The following ATXN1 variants were observed in gnomAD, a reference collection of about 807,000 sequenced individuals.
The protein encoded by ATXN1 is ataxin 1.
A neutral mutation model predicts 56.4 loss-of-function variants in ATXN1; 8 were observed. The ratio of observed to expected loss-of-function variants is 0.14; its 90% CI spans 0.08 to 0.26. The LOEUF is 0.26. ATXN1 is among the 10% of genes least tolerant of loss of function. The probability of loss-of-function intolerance (pLI) is 1.00; values close to 1 mark genes in which losing one functional copy is unlikely to be tolerated. For synonymous variants in ATXN1, 514 were observed against 494.6 expected, an observed-to-expected ratio of 1.04 and a Z score of -0.52; for missense variants, 987 against 1,106.5, an observed-to-expected ratio of 0.89 and a Z score of 1.53.
intron 3 of ATXN1, among the ~76,000 whole-genome samples, chr6:16,610,761 T>A (rs914720586): frequency 6.6e-6 from 1 of 151,742 alleles, no homozygotes; most frequent in African/African-American, 2.4e-5. Context: ...CAGGGGCTCA[T>A]CCCTGTAATC....
rs1043463949 is a variant in ATXN1 at position 16,703,031 on chromosome 6, C to T, written c.-614-45130G>A. On this transcript the variant is annotated intron_variant, in intron 2 of 7. Coordinates refer to ENST00000436367, the MANE Select transcript of ATXN1 (RefSeq NM_001128164.2). The stretch of plus-strand genomic sequence containing the variant: ...ATGCTGCTATAAAGACACATGCACA[C>T]GTATGTTTATTGCGGCACTATTCAC... Among the ~76,000 whole-genome samples the T allele has an allele frequency of 5.3e-5, 8 of 152,118 alleles. No individual in the cohort carries two copies. The South Asian group carries it at 6.2e-4, about 12-fold the overall frequency.
intron 3 of ATXN1, among the ~76,000 whole-genome samples, chr6:16,608,781 CTG>C (rs1763055208): frequency 6.6e-6 from 1 of 152,194 alleles, no homozygotes; most frequent in African/African-American, 2.4e-5. Context: ...TATACAAAAG[CTG>C]TGTGTCTGAC....
intron 3 of ATXN1, among the ~76,000 whole-genome samples, chr6:16,606,371 C>G (rs1763004895): frequency 6.6e-6 from 1 of 152,052 alleles, no homozygotes; most frequent in Non-Finnish European, 1.5e-5. Flanking sequence ...AAGACCAGGT[C>G]TAAGTTATTT....
intron 6 of ATXN1, among the ~76,000 whole-genome samples, chr6:16,454,216 G>A (rs1473083621): frequency 1.3e-5 from 2 of 150,788 alleles, no homozygotes; most frequent in East Asian, 4.0e-4. Context: ...ACTGATTTAG[G>A]TACAGGGATA....
At chr6:16,648,239 G>A (rs1763835577) in intron 3 of ATXN1, among the ~76,000 whole-genome samples, 1 of 152,058 alleles carries the variant, frequency 6.6e-6, no homozygotes, top group Admixed American at 6.6e-5. Context: ...GCCAACACTA[G>A]GCAACCTTGG....
chr6:16,467,760 G>A lies in ATXN1; in HGVS notation c.-161+18212C>T, dbSNP rs1760136159. Among the ~76,000 whole-genome samples, 7 of 152,268 alleles carry A rather than the reference G, an allele frequency of 4.6e-5. 1 individual carries two copies. In the South Asian group the frequency reaches 1.5e-3, roughly 32 times the overall value. ...TCCTATTGCATTAATGTAGGAGTAT[G>A]AAAAAGTCAGAAAGGAAAACTTAAA... On this transcript the variant is annotated intron_variant, in intron 6 of 7. Transcript: ENST00000436367.
At chr6:16,472,832 G>C (rs969716803) in intron 6 of ATXN1, among the ~76,000 whole-genome samples, 1 of 152,152 alleles carries the variant, frequency 6.6e-6, no homozygotes, top group African/African-American at 2.4e-5. Flanking sequence ...ACCCCTAAAG[G>C]TGCCAGAGCA....
At chr6:16,322,476 A>G (rs1167251437) in intron 7 of ATXN1, among the ~76,000 whole-genome samples, 2 of 152,130 alleles carry the variant, frequency 1.3e-5, no homozygotes, top group African/African-American at 4.8e-5. Context: ...TAGAGTCACA[A>G]TGCCATCTGT....
chr6:16,336,519 C>T (rs1371079157), intron 6 of ATXN1, among the ~76,000 whole-genome samples: 1 of 152,158 alleles, frequency 6.6e-6, no homozygotes, highest in Non-Finnish European at 1.5e-5. Flanking sequence ...AAGTTCAAGA[C>T]CACCCACCCA....
intron 6 of ATXN1, among the ~76,000 whole-genome samples, chr6:16,455,382 A>T (rs1026429381): frequency 6.6e-6 from 1 of 152,236 alleles, no homozygotes; most frequent in Non-Finnish European, 1.5e-5. Context: ...GATACCACCT[A>T]TGAAAATGGC....
intron 2 of ATXN1, among the ~76,000 whole-genome samples, chr6:16,748,532 T>C (rs1044599108): frequency 6.6e-6 from 1 of 152,206 alleles, no homozygotes; most frequent in African/African-American, 2.4e-5. Flanking sequence ...TTTCCTCGCC[T>C]GTGCAATGGA....
At chr6:16,653,219 A>C (rs1246443564) in intron 3 of ATXN1, among the ~76,000 whole-genome samples, 1 of 152,162 alleles carries the variant, frequency 6.6e-6, no homozygotes, top group African/African-American at 2.4e-5. Context: ...ACGCCCTGCA[A>C]ATCTCTCCTG....
intron 6 of ATXN1, among the ~76,000 whole-genome samples, chr6:16,431,665 C>G (rs1260272408): frequency 1.3e-5 from 2 of 152,182 alleles, no homozygotes; most frequent in Non-Finnish European, 2.9e-5. Flanking sequence ...ATTCTCACAA[C>G]TACCTCATCA....
intron 6 of ATXN1, among the ~76,000 whole-genome samples, chr6:16,356,978 C>T (rs1033423728): frequency 6.6e-5 from 10 of 152,048 alleles, no homozygotes; most frequent in Non-Finnish European, 1.5e-4. Flanking sequence ...GACCATAATA[C>T]GGACAGTAAT....
chr6:16,617,880 T>C (rs1763248276), intron 3 of ATXN1, among the ~76,000 whole-genome samples: 2 of 151,732 alleles, frequency 1.3e-5, no homozygotes, highest in Non-Finnish European at 2.9e-5. Flanking sequence ...AAATACATAA[T>C]GTGAGAACAA....
chr6:16,338,321 G>A (rs1226030767), intron 6 of ATXN1, among the ~76,000 whole-genome samples: 2 of 151,820 alleles, frequency 1.3e-5, no homozygotes, highest in African/African-American at 4.8e-5. Context: ...GTGAAATCCT[G>A]TCTCTACTAA....
At chr6:16,691,498 T>C (rs1016276140) in intron 2 of ATXN1, among the ~76,000 whole-genome samples, 11 of 152,200 alleles carry the variant, frequency 7.2e-5, no homozygotes, top group African/African-American at 2.7e-4. Context: ...AGCTGAGGTA[T>C]GTTAAAAATG....
In ATXN1 at chr6:16,393,449, G is replaced by A. The variant is rs187556947; in HGVS notation, c.-160-64979C>T. Among the ~76,000 whole-genome samples, 22 of 152,026 alleles carry A rather than the reference G, an allele frequency of 1.4e-4. No individual in the cohort carries two copies. In the East Asian group the frequency reaches 1.9e-3, roughly 13 times the overall value. On this transcript the variant is annotated intron_variant, in intron 6 of 7. Transcript: ENST00000436367. ...GGAGTTTTGCTTTTTTGCCCAGGCC[G>A]GTCTTGAATTCCTGACCTCAAGTGA...
chr6:16,398,866 C>G (rs1268491797), intron 6 of ATXN1, among the ~76,000 whole-genome samples: 1 of 152,188 alleles, frequency 6.6e-6, no homozygotes, highest in Non-Finnish European at 1.5e-5. Flanking sequence ...CATTTTTGCT[C>G]TAGCTTGAGA....
Sources: gnomAD v4.1 joint callset for allele counts (sites outside exome capture counted in the v4.1 genomes callset) on GRCh38, gnomAD v4.1.1 for gene constraint, MANE v1.5 for transcripts, NCBI Gene and HGNC (gene_info 2026-07-23, HGNC 2026-07-21) for gene names.